The following KHDRBS3 variants were observed in gnomAD, a reference collection of about 807,000 sequenced individuals.
KHDRBS3 encodes the protein KH RNA binding domain containing, signal transduction associated 3.
Under a neutral mutation model 45.6 loss-of-function variants are expected in KHDRBS3, and 23 were observed. The observed-to-expected ratio is 0.50, with a 90% CI of 0.36 to 0.72. The LOEUF is 0.72. KHDRBS3 is among the 30% of genes least tolerant of loss of function. The pLI is 0.00. For synonymous variants in KHDRBS3, 162 were observed against 156.5 expected (o/e 1.04, Z -0.26); for missense variants, 352 against 424.8 (o/e 0.83, Z 1.51).
chr8:135,510,918 T>C (rs1824250280), intron 1 of KHDRBS3, among the ~76,000 whole-genome samples: 1 of 152,244 alleles, frequency 6.6e-6, no homozygotes, highest in Non-Finnish European at 1.5e-5. Context: ...CCCCCCACCT[T>C]TTTTAACAGT....
At chr8:135,597,072 A>G (rs1331755182) in intron 6 of KHDRBS3, among the ~76,000 whole-genome samples, 2 of 152,250 alleles carry the variant, frequency 1.3e-5, no homozygotes, top group Non-Finnish European at 2.9e-5. Context: ...TGGATAATTT[A>G]TAAAAGAAAT....
intron 1 of KHDRBS3, among the ~76,000 whole-genome samples, chr8:135,462,684 C>T (rs927681170): frequency 3.9e-5 from 6 of 152,066 alleles, no homozygotes; most frequent in Admixed American, 2.0e-4. Context: ...GGTTATTAGC[C>T]TAGTTTTTCA....
At chr8:135,591,903 A>G (rs987907838) in intron 6 of KHDRBS3, among the ~76,000 whole-genome samples, 3 of 152,210 alleles carry the variant, frequency 2.0e-5, no homozygotes, top group Non-Finnish European at 4.4e-5. Context: ...AACTAATCTC[A>G]AAACTGCTTC....
chr8:135,595,348 T>C (rs1828927276), intron 6 of KHDRBS3, among the ~76,000 whole-genome samples: 1 of 152,220 alleles, frequency 6.6e-6, no homozygotes, highest in Admixed American at 6.5e-5. Context: ...TACTTAGGAT[T>C]CGTACCTTTT....
At chr8:135,469,778 T>G (rs1305097593) in intron 1 of KHDRBS3, among the ~76,000 whole-genome samples, 1 of 152,074 alleles carries the variant, frequency 6.6e-6, no homozygotes, top group Non-Finnish European at 1.5e-5. Context: ...CCACCCGCCT[T>G]GGCCTCCCAA....
chr8:135,617,750 A>G (rs970075121), intron 7 of KHDRBS3, among the ~76,000 whole-genome samples: 4 of 152,198 alleles, frequency 2.6e-5, no homozygotes, highest in Non-Finnish European at 4.4e-5. Context: ...GAGTTTAAGT[A>G]TTATATCCAG....
At chr8:135,475,277 A>G (rs1822215707) in intron 1 of KHDRBS3, among the ~76,000 whole-genome samples, 1 of 152,150 alleles carries the variant, frequency 6.6e-6, no homozygotes, top group Non-Finnish European at 1.5e-5. Context: ...TGTGGCAAAA[A>G]ACTGTTTATC....
chr8:135,522,134 GT>G (rs1172129758), intron 2 of KHDRBS3, among the ~76,000 whole-genome samples: 7 of 152,110 alleles, frequency 4.6e-5, no homozygotes, highest in Admixed American at 3.9e-4. Flanking sequence ...ACTGTGTGTT[GT>G]TCCCCTCCCT....
At chr8:135,478,520 G>A (rs1265303976) in intron 1 of KHDRBS3, among the ~76,000 whole-genome samples, 1 of 152,120 alleles carries the variant, frequency 6.6e-6, no homozygotes, top group East Asian at 1.9e-4. Context: ...GTAACCACAG[G>A]AAATGCATTT....
At chr8:135,582,722 T>C (rs906315780) in intron 6 of KHDRBS3, among the ~76,000 whole-genome samples, 1 of 152,224 alleles carries the variant, frequency 6.6e-6, no homozygotes, top group Non-Finnish European at 1.5e-5. Flanking sequence ...ATATTAATAA[T>C]TGAAATTGTT....
At chr8:135,609,474 T>C (rs994301618) in intron 7 of KHDRBS3, among the ~76,000 whole-genome samples, 10 of 152,000 alleles carry the variant, frequency 6.6e-5, no homozygotes, top group Non-Finnish European at 1.3e-4. Flanking sequence ...TTTGTATTTA[T>C]AGTAGAGATG....
chr8:135,490,317 C>G (rs1823082299), intron 1 of KHDRBS3, among the ~76,000 whole-genome samples: 1 of 152,192 alleles, frequency 6.6e-6, no homozygotes, highest in Admixed American at 6.5e-5. Context: ...TCACAATACT[C>G]TAGTGATGAG....
intron 7 of KHDRBS3, among the ~76,000 whole-genome samples, chr8:135,617,079 T>G (rs1829949247): frequency 6.6e-6 from 1 of 152,026 alleles, no homozygotes; most frequent in South Asian, 2.1e-4. Context: ...TCTTTGAGTC[T>G]TTTCTCTTCT....
At chr8:135,482,970 G>A (rs549124438) in intron 1 of KHDRBS3, among the ~76,000 whole-genome samples, 66 of 151,730 alleles carry the variant, frequency 4.3e-4, no homozygotes, top group African/African-American at 1.6e-3. Context: ...AGAACATCTA[G>A]GAAAGAACGA....
At chr8:135,635,182 C>G (rs939337403) in intron 7 of KHDRBS3, among the ~76,000 whole-genome samples, 2 of 152,072 alleles carry the variant, frequency 1.3e-5, no homozygotes, top group Non-Finnish European at 2.9e-5. Flanking sequence ...TATGAAAAAT[C>G]TCTATTTTCT....
At chr8:135,626,798 C>T (rs1371972349) in intron 7 of KHDRBS3, among the ~76,000 whole-genome samples, 3 of 56,990 alleles carry the variant, frequency 5.3e-5, no homozygotes, top group Admixed American at 6.1e-4. Flanking sequence ...AGCGAGACTC[C>T]GTCTCAAAAA....
intron 1 of KHDRBS3, among the ~76,000 whole-genome samples, chr8:135,520,812 C>T (rs530065401): frequency 2.0e-5 from 3 of 152,118 alleles, no homozygotes; most frequent in Non-Finnish European, 2.9e-5. Flanking sequence ...TTAATGCCAT[C>T]GTAGAATCAG....
chr8:135,610,539 C>A (rs1216502821), intron 7 of KHDRBS3, among the ~76,000 whole-genome samples: 1 of 151,590 alleles, frequency 6.6e-6, no homozygotes, highest in Non-Finnish European at 1.5e-5. Flanking sequence ...GAGACTCTAT[C>A]CTTGAAAAGC....
chr8:135,480,885 C>T (rs1054643481), intron 1 of KHDRBS3, among the ~76,000 whole-genome samples: 2 of 152,100 alleles, frequency 1.3e-5, no homozygotes, highest in Admixed American at 6.5e-5. Flanking sequence ...CACTAATGAG[C>T]ATTTCCAATT....
Sources: allele counts gnomAD v4.1 joint callset (sites outside exome capture counted in the v4.1 genomes callset), GRCh38; gene constraint gnomAD v4.1.1; transcripts MANE v1.5; gene names NCBI Gene and HGNC (gene_info 2026-07-23, HGNC 2026-07-21).